Variants in MRTFA observed in about 807,000 individuals in gnomAD.
MRTFA encodes the protein myocardin related transcription factor A.
MRTFA carries 20 observed loss-of-function variants against 83.5 expected under a neutral mutation model. That is an observed-to-expected ratio of 0.24 (90% CI 0.17 to 0.35). The LOEUF (loss-of-function observed/expected upper bound fraction) is 0.35. Among genes scored for constraint, MRTFA ranks in the 10% least tolerant of loss-of-function variants. MRTFA has a pLI of 1.00. For synonymous variants in MRTFA, 659 were observed against 541.2 expected (o/e 1.22, Z -3.02); for missense variants, 1,200 against 1,224.7 (o/e 0.98, Z 0.30).
At chr22:40,564,084 TATAAGATAGA>T (rs1173551857) in intron 2 of MRTFA, among the ~76,000 whole-genome samples, 2 of 152,212 alleles carry the variant, frequency 1.3e-5, no homozygotes, top group Non-Finnish European at 2.9e-5. Context: ...ACAGGATTTA[TATAAGATAGA>T]ATGTGTTTCT....
intron 9 of MRTFA, among the ~76,000 whole-genome samples, chr22:40,422,253 C>T (rs2052856875): frequency 6.6e-6 from 1 of 152,126 alleles, no homozygotes. Flanking sequence ...GGAACCCCAA[C>T]AGCTGGGCCA....
At chr22:40,494,952 G>A (rs1314886881) in intron 3 of MRTFA, among the ~76,000 whole-genome samples, 1 of 152,078 alleles carries the variant, frequency 6.6e-6, no homozygotes, top group Non-Finnish European at 1.5e-5. Flanking sequence ...TTGATAAAAG[G>A]TGGTGGTTTA....
chr22:40,504,815 T>C (rs547765853), intron 3 of MRTFA, among the ~76,000 whole-genome samples: 20 of 152,334 alleles, frequency 1.3e-4, no homozygotes, highest in African/African-American at 4.1e-4. Flanking sequence ...CTGGATATAG[T>C]ATCTTTGAGG....
chr22:40,602,133 T>C (rs1569347536), intron 1 of MRTFA, among the ~76,000 whole-genome samples: 1 of 152,216 alleles, frequency 6.6e-6, no homozygotes, highest in Admixed American at 6.5e-5. Flanking sequence ...GAGGGACCTA[T>C]ACAAGACTAC....
chr22:40,564,563 C>T (rs1327479460), intron 2 of MRTFA, among the ~76,000 whole-genome samples: 1 of 152,156 alleles, frequency 6.6e-6, no homozygotes, highest in African/African-American at 2.4e-5. Flanking sequence ...TTGTCAAATA[C>T]CGCTGAGTAT....
At chr22:40,437,148 C>T (rs1569264534) in intron 4 of MRTFA, among the ~76,000 whole-genome samples, 1 of 152,120 alleles carries the variant, frequency 6.6e-6, no homozygotes, top group East Asian at 1.9e-4. Context: ...TACAAGTTAC[C>T]TCCCCAACCT....
At chr22:40,457,436 G>GAAAGAGAA in intron 4 of MRTFA, among the ~76,000 whole-genome samples, 1 of 119,884 alleles carries the variant, frequency 8.3e-6, no homozygotes, top group Admixed American at 9.0e-5. Context: ...AAGAAAGAAA[G>GAAAGAGAA]AGAAAGAAAG....
chr22:40,619,001 A>ATG (rs1177697890), intron 1 of MRTFA, among the ~76,000 whole-genome samples: 13 of 150,844 alleles, frequency 8.6e-5, no homozygotes, highest in Non-Finnish European at 1.6e-4. Flanking sequence ...AAATATATAT[A>ATG]TATATATCAA....
At chr22:40,615,309 T>C (rs1569353710) in intron 1 of MRTFA, among the ~76,000 whole-genome samples, 2 of 152,380 alleles carry the variant, frequency 1.3e-5, no homozygotes, top group East Asian at 3.9e-4. Context: ...TATATATGTA[T>C]GTATCTATTT....
chr22:40,576,084 A>G (rs2055864308), intron 2 of MRTFA, among the ~76,000 whole-genome samples: 1 of 147,998 alleles, frequency 6.8e-6, no homozygotes, highest in Non-Finnish European at 1.5e-5. Context: ...GCTGGAGTAC[A>G]GTGGCATGAT....
intron 4 of MRTFA, among the ~76,000 whole-genome samples, chr22:40,439,024 T>C (rs961890170): frequency 6.6e-6 from 1 of 152,200 alleles, no homozygotes; most frequent in African/African-American, 2.4e-5. Context: ...TTCTACATGG[T>C]AGGTAATATC....
intron 3 of MRTFA, among the ~76,000 whole-genome samples, chr22:40,498,420 G>T (rs1239113613): frequency 6.7e-6 from 1 of 149,274 alleles, no homozygotes; most frequent in African/African-American, 2.5e-5. Flanking sequence ...AAGTAGCGGG[G>T]ACTAAGGTAC....
intron 4 of MRTFA, among the ~76,000 whole-genome samples, chr22:40,451,752 T>A (rs894272739): frequency 1.3e-5 from 2 of 152,150 alleles, no homozygotes; most frequent in African/African-American, 4.8e-5. Flanking sequence ...CATGTTTATA[T>A]CTAGCTTTCA....
At chr22:40,465,520 T>C (rs1351152896) in intron 3 of MRTFA, among the ~76,000 whole-genome samples, 1 of 152,200 alleles carries the variant, frequency 6.6e-6, no homozygotes, top group Non-Finnish European at 1.5e-5. Flanking sequence ...CATTCTTTTA[T>C]ATTTTAACTT....
At chr22:40,441,395 C>T (rs985159072) in intron 4 of MRTFA, among the ~76,000 whole-genome samples, 2 of 152,228 alleles carry the variant, frequency 1.3e-5, no homozygotes, top group African/African-American at 4.8e-5. Flanking sequence ...CATTTTCTTT[C>T]TCTCCTAACT....
chr22:40,484,728 A>G (rs2054146676), intron 3 of MRTFA, among the ~76,000 whole-genome samples: 1 of 152,136 alleles, frequency 6.6e-6, no homozygotes, highest in South Asian at 2.1e-4. Flanking sequence ...AATTCTTTTA[A>G]TTTAGATACT....
At chr22:40,518,985 T>TTGGTGG (rs370853261) in intron 3 of MRTFA, among the ~76,000 whole-genome samples, 1 of 151,354 alleles carries the variant, frequency 6.6e-6, no homozygotes, top group Non-Finnish European at 1.5e-5. Context: ...TTGGAGGCTT[T>TTGGTGG]TGGTGGTGGT....
At chr22:40,541,956 G>A (rs892346113) in intron 3 of MRTFA, among the ~76,000 whole-genome samples, 1 of 151,874 alleles carries the variant, frequency 6.6e-6, no homozygotes, top group Admixed American at 6.6e-5. Context: ...GTGAGCCACT[G>A]CATCCAGCCT....
In MRTFA at chr22:40,416,925, G is replaced by A. The variant is rs117513624; in HGVS notation, c.2578+61C>T. ...ATTCAATAAAAACAAACCAACCCAG[G>A]GCTAGAGACACCTATGAACAGAGAA... On this transcript the variant is annotated intron_variant, in intron 14 of 14. Coordinates refer to ENST00000355630, the MANE Select transcript of MRTFA (RefSeq NM_020831.6). The surrounding 1 kb of genome is among the most constrained non-coding windows in gnomAD (Gnocchi z 4.2). 1,419 of 1,491,808 alleles carry A rather than the reference G, an allele frequency of 9.5e-4. 42 individuals carry two copies. In the East Asian group the frequency reaches 0.034, roughly 35 times the overall value. 92.4% of individuals were successfully genotyped at this position (1,491,808 alleles called of 1,614,324 possible). A position where few individuals can be genotyped will look rare whatever the true frequency, so the allele number is the denominator to read the frequency against.
Sources: gnomAD v4.1 joint callset for allele counts (sites outside exome capture counted in the v4.1 genomes callset) on GRCh38, gnomAD v4.1.1 for gene constraint, Gnocchi (gnomAD v3.1) non-coding constraint, MANE v1.5 for transcripts, NCBI Gene and HGNC (gene_info 2026-07-23, HGNC 2026-07-21) for gene names.